The following CCDC85A variants were observed in gnomAD, a reference collection of about 807,000 sequenced individuals.
CCDC85A encodes coiled-coil domain containing 85A, also known as coiled-coil domain-containing protein 85A.
A neutral mutation model predicts 50.2 loss-of-function variants in CCDC85A; 38 were observed. The observed-to-expected ratio is 0.76, with a 90% confidence interval of 0.58 to 0.99. CCDC85A has a LOEUF of 0.99. Among genes scored for constraint, CCDC85A ranks in the 50% least tolerant of loss-of-function variants. The pLI, the probability that CCDC85A is intolerant of heterozygous loss-of-function variation, is 0.00. For missense variants in CCDC85A, 820 were observed against 742.0 expected (o/e 1.11, Z -1.22); for synonymous variants, 366 against 301.4 (o/e 1.21, Z -2.22).
intron 2 of CCDC85A, among the ~76,000 whole-genome samples, chr2:56,301,722 A>C (rs1672213138): frequency 6.6e-6 from 1 of 152,142 alleles, no homozygotes; most frequent in African/African-American, 2.4e-5. Flanking sequence ...AAAACCAAAC[A>C]CTGCATGTTC....
chr2:56,310,217 T>C (rs1268523218), intron 2 of CCDC85A, among the ~76,000 whole-genome samples: 1 of 152,174 alleles, frequency 6.6e-6, no homozygotes, highest in Non-Finnish European at 1.5e-5. Context: ...CCGTGTTGAC[T>C]GATGCAACTG....
intron 3 of CCDC85A, among the ~76,000 whole-genome samples, chr2:56,355,518 TAATG>T (rs543676177): frequency 2.6e-4 from 40 of 152,304 alleles, no homozygotes; most frequent in African/African-American, 8.9e-4. Flanking sequence ...GAGACCAAAA[TAATG>T]AAGCCCTCTT....
At position 56,192,792 on chromosome 2, in the gene CCDC85A, G is replaced by A. The variant is rs747267810; in HGVS notation, c.592G>A (p.Ala198Thr). The change falls in exon 2 of 6, where the codon GCC becomes ACC. Residue 198 changes from alanine (A) to threonine (T), a missense_variant. Coordinates refer to ENST00000407595, the MANE Select transcript of CCDC85A (RefSeq NM_001080433.2). The surrounding 1 kb of genome is among the most constrained non-coding windows in gnomAD (Gnocchi z 4.7). ...CCAGGCCAGCCTGTGCCAACTCACA[G>A]CCTCCACCGCACCCTACGTGCGGGA... Reference protein sequence around the residue: ...DSQASLCQLTASTAPYVRDVG... With the variant: ...DSQASLCQLTTSTAPYVRDVG... 56 of 1,613,104 alleles carry A rather than the reference G, an allele frequency of 3.5e-5. No individual in the cohort carries two copies. The East Asian group carries it at 1.2e-3, about 36-fold the overall frequency.
At position 56,385,397 on chromosome 2, in the gene CCDC85A, A is replaced by G. The variant is rs1232305996; in HGVS notation, c.*1042A>G. ...GTTCAGATTGCTTGAGGTTTGAAAA[A>G]GAGGTGTGCTAGCTTTGCTTAGTTT... On this transcript the variant is annotated 3_prime_UTR_variant, in exon 6 of 6. Transcript: ENST00000407595. The G allele has an allele frequency of 2.0e-5, 3 of 152,234 alleles. No homozygotes were observed. Among genetic ancestry groups the G allele is most frequent in the African/African-American group, 7.2e-5 (3 of 41,402 alleles). The allele number at this position is 152,234 out of a possible 1,614,324, so 9.4% of individuals were successfully genotyped here.
At chr2:56,374,363 A>G (rs1359792441) in intron 4 of CCDC85A, among the ~76,000 whole-genome samples, 1 of 152,218 alleles carries the variant, frequency 6.6e-6, no homozygotes. Flanking sequence ...AAAGAAAGGG[A>G]GAAAATCTTC....
At chr2:56,366,709 G>A (rs772602680) in intron 3 of CCDC85A, among the ~76,000 whole-genome samples, 1 of 152,084 alleles carries the variant, frequency 6.6e-6, no homozygotes, top group African/African-American at 2.4e-5. Flanking sequence ...AGCACTTAGG[G>A]TAGTGCTAAC....
chr2:56,348,524 A>G (rs937035504), intron 3 of CCDC85A, among the ~76,000 whole-genome samples: 1 of 152,220 alleles, frequency 6.6e-6, no homozygotes. Flanking sequence ...ATTTGCTTAC[A>G]ATGTGGCCTT....
chr2:56,214,726 C>T (rs1340202242), intron 2 of CCDC85A, among the ~76,000 whole-genome samples: 2 of 151,908 alleles, frequency 1.3e-5, no homozygotes, highest in African/African-American at 4.8e-5. Flanking sequence ...TGTCCTATTT[C>T]ACTGACATAT....
At position 56,385,976 on chromosome 2, in the gene CCDC85A, C is replaced by G. The variant is rs575145427; in HGVS notation, c.*1621C>G. ...CCTTAAATTGTTGTATTCCTACCCT[C>G]TGAAGACATTTAAAATAAGCTTTTG... On this transcript the variant is annotated 3_prime_UTR_variant, in exon 6 of 6. Coordinates refer to ENST00000407595, the MANE Select transcript of CCDC85A (RefSeq NM_001080433.2). 6.6e-6 allele frequency: 1 copy of G among 152,262 alleles called. No homozygotes were observed. Among genetic ancestry groups the G allele is most frequent in the East Asian group, 1.9e-4 (1 of 5,142 alleles). The allele number at this position is 152,262 out of a possible 1,614,324, so 9.4% of individuals were successfully genotyped here.
At chr2:56,250,823 A>C (rs907671766) in intron 2 of CCDC85A, among the ~76,000 whole-genome samples, 1 of 152,132 alleles carries the variant, frequency 6.6e-6, no homozygotes, top group Non-Finnish European at 1.5e-5. Context: ...CAAATTGGGG[A>C]ATATTAGAAG....
At chr2:56,183,915 A>G (rs7565631), upstream of CCDC85A, 1 of 985,332 alleles carries the variant, frequency 1.0e-6, no homozygotes, top group South Asian at 4.7e-5. Flanking sequence ...CGTCCAGCCC[A>G]TGCGGGAGCT....
At chr2:56,330,484 G>A (rs1312319097) in intron 2 of CCDC85A, among the ~76,000 whole-genome samples, 2 of 152,264 alleles carry the variant, frequency 1.3e-5, no homozygotes, top group South Asian at 2.1e-4. Flanking sequence ...TAGCATCTGG[G>A]AACAGAATGA....
intron 3 of CCDC85A, among the ~76,000 whole-genome samples, chr2:56,349,864 A>G (rs1674819767): frequency 6.6e-6 from 1 of 151,988 alleles, no homozygotes; most frequent in Non-Finnish European, 1.5e-5. Flanking sequence ...AATAGCCATA[A>G]AAATGTAGCA....
intron 2 of CCDC85A, among the ~76,000 whole-genome samples, chr2:56,339,744 GT>G (rs1260987104): frequency 8.0e-5 from 12 of 150,142 alleles, no homozygotes; most frequent in Middle Eastern, 3.4e-3. Flanking sequence ...TTATCAAGTG[GT>G]TTTTTTTTTC....
At chr2:56,263,907 G>A (rs958070932) in intron 2 of CCDC85A, among the ~76,000 whole-genome samples, 1 of 152,052 alleles carries the variant, frequency 6.6e-6, no homozygotes, top group African/African-American at 2.4e-5. Flanking sequence ...CTAGGTCAGG[G>A]GTGTCCAGTC....
chr2:56,367,510 C>G (rs1675855844), intron 3 of CCDC85A, among the ~76,000 whole-genome samples: 1 of 152,124 alleles, frequency 6.6e-6, no homozygotes, highest in Non-Finnish European at 1.5e-5. Context: ...ATCAGGGTTT[C>G]TCAACTTCAG....
At chr2:56,277,184 T>C (rs1670990186) in intron 2 of CCDC85A, among the ~76,000 whole-genome samples, 1 of 152,184 alleles carries the variant, frequency 6.6e-6, no homozygotes, top group Admixed American at 6.5e-5. Flanking sequence ...ACTTCCTTGA[T>C]GGGAAGTTTC....
chr2:56,220,545 G>T (rs17190100), intron 2 of CCDC85A, among the ~76,000 whole-genome samples: 3,022 of 152,100 alleles, frequency 0.02, 52 homozygotes, highest in South Asian at 0.047. Context: ...GACAGGGAGT[G>T]GTTCTTTGTT....
chr2:56,375,966 A>G (rs772102179), intron 5 of CCDC85A, 31 bp downstream of exon 5: 11 of 1,602,860 alleles, frequency 6.9e-6, no homozygotes, highest in Middle Eastern at 1.7e-4. Flanking sequence ...ATTTATCCAG[A>G]GCTTCAGTTG....
Sources: gnomAD v4.1 joint callset for allele counts (sites outside exome capture counted in the v4.1 genomes callset) on GRCh38, gnomAD v4.1.1 for gene constraint, Gnocchi (gnomAD v3.1) non-coding constraint, MANE v1.5 for transcripts, NCBI Gene and HGNC (gene_info 2026-07-23, HGNC 2026-07-21) for gene names.